Variants in ETV6 observed in about 807,000 individuals in gnomAD.
The protein encoded by ETV6 is ETS variant transcription factor 6.
ETV6 carries 16 observed loss-of-function variants against 51.1 expected under a neutral mutation model. The observed-to-expected ratio is 0.31, with a 90% CI of 0.21 to 0.48. The LOEUF (loss-of-function observed/expected upper bound fraction) is 0.48, where lower values mean the gene tolerates loss of function less well. ETV6 is among the 20% of genes least tolerant of loss of function. The pLI is 0.99. For synonymous variants in ETV6, 240 were observed against 224.1 expected (o/e 1.07, Z -0.64); for missense variants, 458 against 594.8 (o/e 0.77, Z 2.39).
chr12:11,784,391 G>A (rs574424170), intron 2 of ETV6, among the ~76,000 whole-genome samples: 3 of 151,650 alleles, frequency 2.0e-5, no homozygotes, highest in South Asian at 4.2e-4. Flanking sequence ...CCCTGGAGGC[G>A]GAGGTTGCAG....
chr12:11,686,652 C>T (rs1360321411), intron 1 of ETV6, among the ~76,000 whole-genome samples: 4 of 152,052 alleles, frequency 2.6e-5, no homozygotes, highest in Non-Finnish European at 5.9e-5. Flanking sequence ...CTCAGCCTCC[C>T]GAATATATGG....
At chr12:11,889,202 G>C (rs1234803657) in intron 7 of ETV6, among the ~76,000 whole-genome samples, 1 of 152,140 alleles carries the variant, frequency 6.6e-6, no homozygotes, top group African/African-American at 2.4e-5. Flanking sequence ...ATTTTAGTTA[G>C]GGGATAAAAG....
At chr12:11,827,138 G>A (rs1370135175) in intron 2 of ETV6, among the ~76,000 whole-genome samples, 2 of 149,334 alleles carry the variant, frequency 1.3e-5, no homozygotes, top group African/African-American at 2.5e-5. Flanking sequence ...TCTTTAAATA[G>A]AAGTTGCTTC....
rs1164103750 is a variant in ETV6 at position 11,743,739 on chromosome 12, GT to G, written c.34-8707del. Among the ~76,000 whole-genome samples, 9 of 152,172 alleles carry G rather than the reference GT, an allele frequency of 5.9e-5. No homozygotes were observed. The South Asian group carries it at 1.9e-3, about 31-fold the overall frequency. On this transcript the variant is annotated intron_variant, in intron 1 of 7. Transcript: ENST00000396373. Reference sequence around the variant, plus strand: ...AATCACAGGGCAAAACATCTTTCTAGTTTTGAAGGAGGTCTGAGTTGCAGCT... The same window carrying G: ...AATCACAGGGCAAAACATCTTTCTAGTTTGAAGGAGGTCTGAGTTGCAGCT...
intron 2 of ETV6, among the ~76,000 whole-genome samples, chr12:11,757,932 C>T (rs1468503737): frequency 4.6e-5 from 7 of 152,200 alleles, no homozygotes; most frequent in Admixed American, 1.3e-4. Context: ...GCTGCCTCCC[C>T]GTTTGTTCTC....
intron 4 of ETV6, 77 bp downstream of exon 4, chr12:11,853,638 G>C: frequency 6.6e-7 from 1 of 1,522,472 alleles, no homozygotes; most frequent in South Asian, 1.2e-5. Context: ...TTGATAAGCT[G>C]GTCTTCTTCG....
intron 2 of ETV6, among the ~76,000 whole-genome samples, chr12:11,806,940 TAAAAG>T (rs996435782): frequency 2.8e-4 from 42 of 152,226 alleles, no homozygotes; most frequent in Non-Finnish European, 4.3e-4. Context: ...AAGCATTTCT[TAAAAG>T]AAAGCAGTGA....
chr12:11,884,384 C>T (rs10845417), intron 5 of ETV6, 61 bp from the exon 6 acceptor site: 1 of 1,577,104 alleles, frequency 6.3e-7, no homozygotes, highest in Non-Finnish European at 8.7e-7. Flanking sequence ...TTTGATTCTT[C>T]TGGTTAGTGC....
intron 1 of ETV6, among the ~76,000 whole-genome samples, chr12:11,728,117 G>A (rs1034306180): frequency 2.6e-5 from 4 of 152,156 alleles, no homozygotes; most frequent in Admixed American, 2.0e-4. Context: ...ACCGCTCCCC[G>A]GCCTCCCCTT....
chr12:11,889,758 T>A (rs919054722), intron 7 of ETV6, among the ~76,000 whole-genome samples: 47 of 152,196 alleles, frequency 3.1e-4, no homozygotes, highest in Non-Finnish European at 1.5e-4. Context: ...AAAGACCCGA[T>A]GAGCAGAGCA....
chr12:11,805,870 T>G (rs1945821774), intron 2 of ETV6, among the ~76,000 whole-genome samples: 1 of 152,220 alleles, frequency 6.6e-6, no homozygotes, highest in South Asian at 2.1e-4. Context: ...TCTGGGTTCT[T>G]TTATAAACCA....
intron 1 of ETV6, among the ~76,000 whole-genome samples, chr12:11,739,575 C>A (rs555816452): frequency 9.2e-5 from 14 of 152,226 alleles, no homozygotes; most frequent in African/African-American, 3.4e-4. Flanking sequence ...AAATACAGAT[C>A]AAGTATTTCC....
chr12:11,794,465 C>T (rs1468106320), intron 2 of ETV6, among the ~76,000 whole-genome samples: 3 of 152,190 alleles, frequency 2.0e-5, no homozygotes, highest in African/African-American at 7.2e-5. Context: ...ACTCAGAGAT[C>T]TTATTCTAAC....
chr12:11,658,430 T>G (rs1215306091), intron 1 of ETV6, among the ~76,000 whole-genome samples: 2 of 152,220 alleles, frequency 1.3e-5, no homozygotes, highest in Non-Finnish European at 2.9e-5. Context: ...AGACAGGGTT[T>G]CACCATGGTG....
intron 2 of ETV6, among the ~76,000 whole-genome samples, chr12:11,828,788 A>C (rs187835414): frequency 1.3e-5 from 2 of 151,852 alleles, no homozygotes; most frequent in Non-Finnish European, 2.9e-5. Context: ...TCCCCTCCCC[A>C]TTATCTTTTT....
At chr12:11,861,364 A>G (rs1411551910) in intron 4 of ETV6, among the ~76,000 whole-genome samples, 1 of 151,846 alleles carries the variant, frequency 6.6e-6, no homozygotes, top group Non-Finnish European at 1.5e-5. Context: ...TGCTTCCTAT[A>G]TTTCAGGGCC....
intron 1 of ETV6, among the ~76,000 whole-genome samples, chr12:11,660,598 CAAAA>C (rs3983865): frequency 1.9e-4 from 20 of 106,444 alleles, no homozygotes; most frequent in South Asian, 7.3e-4. Context: ...GACTCTGTCT[CAAAA>C]AAAAAAAAAA....
intron 2 of ETV6, among the ~76,000 whole-genome samples, chr12:11,763,166 G>A (rs982100129): frequency 1.5e-4 from 23 of 152,226 alleles, no homozygotes; most frequent in African/African-American, 4.8e-4. Flanking sequence ...CATTGTTCTT[G>A]AACTCCTCAG....
intron 2 of ETV6, among the ~76,000 whole-genome samples, chr12:11,804,852 G>A (rs1945805452): frequency 6.6e-6 from 1 of 152,192 alleles, no homozygotes; most frequent in African/African-American, 2.4e-5. Flanking sequence ...TGTCTCATGG[G>A]AGACTCCAGA....
Sources: gnomAD v4.1 joint callset for allele counts (sites outside exome capture counted in the v4.1 genomes callset) on GRCh38, gnomAD v4.1.1 for gene constraint, MANE v1.5 for transcripts, NCBI Gene and HGNC (gene_info 2026-07-23, HGNC 2026-07-21) for gene names.